Variants in CDK19 observed in about 807,000 individuals in gnomAD.
The protein encoded by CDK19 is cyclin-dependent kinase 19.
A neutral mutation model predicts 68.3 loss-of-function variants in CDK19; 20 were observed. That is an observed-to-expected ratio of 0.29 (90% CI 0.21 to 0.43). CDK19 has a LOEUF of 0.43. Ranked by LOEUF, CDK19 falls within the 20% of genes least tolerant of loss-of-function variation. The pLI, the probability that CDK19 is intolerant of heterozygous loss-of-function variation, is 1.00. For missense variants in CDK19, 339 were observed against 623.5 expected, an observed-to-expected ratio of 0.54 and a Z score of 4.86; for synonymous variants, 221 against 222.8, an observed-to-expected ratio of 0.99 and a Z score of 0.07.
chr6:110,731,521 G>A (rs9487500), intron 2 of CDK19, among the ~76,000 whole-genome samples: 2,124 of 152,268 alleles, frequency 0.014, 53 homozygotes, highest in African/African-American at 0.049. Flanking sequence ...ATGAGACAGT[G>A]GTGATGGTTG....
chr6:110,642,164 G>T (rs1438492688), intron 4 of CDK19, among the ~76,000 whole-genome samples: 1 of 152,144 alleles, frequency 6.6e-6, no homozygotes, highest in Non-Finnish European at 1.5e-5. Flanking sequence ...AGCTGGGCGT[G>T]GTGGTGTGCA....
chr6:110,637,455 A>G (rs1342586792), intron 5 of CDK19, among the ~76,000 whole-genome samples: 1 of 152,236 alleles, frequency 6.6e-6, no homozygotes, highest in Non-Finnish European at 1.5e-5. Context: ...AAGTTGGTTT[A>G]GAACAGCTTA....
intron 2 of CDK19, among the ~76,000 whole-genome samples, chr6:110,702,015 C>A (rs755704477): frequency 3.3e-5 from 5 of 152,112 alleles, no homozygotes; most frequent in Non-Finnish European, 5.9e-5. Flanking sequence ...GTGGCACACA[C>A]CTGTAGTCCC....
intron 4 of CDK19, among the ~76,000 whole-genome samples, chr6:110,657,193 C>T (rs1327705292): frequency 2.0e-5 from 3 of 152,292 alleles, no homozygotes; most frequent in African/African-American, 7.2e-5. Context: ...GATGAAAACC[C>T]AGTTCTCTCA....
chr6:110,722,907 T>C (rs1776013395), intron 2 of CDK19, among the ~76,000 whole-genome samples: 1 of 151,986 alleles, frequency 6.6e-6, no homozygotes, highest in Non-Finnish European at 1.5e-5. Context: ...CTAATGTTAT[T>C]ATAAAATACA....
At chr6:110,673,537 TAAAAA>T (rs536470299) in intron 2 of CDK19, among the ~76,000 whole-genome samples, 1 of 141,628 alleles carries the variant, frequency 7.1e-6, no homozygotes. Context: ...GTCATTTTTG[TAAAAA>T]AAAAAAAACT....
At chr6:110,744,848 T>C (rs1777962693) in intron 2 of CDK19, among the ~76,000 whole-genome samples, 1 of 152,118 alleles carries the variant, frequency 6.6e-6, no homozygotes, top group Non-Finnish European at 1.5e-5. Context: ...GGTCTAGAGA[T>C]TTCCCACCCC....
chr6:110,728,973 T>G (rs1370605268), intron 2 of CDK19, among the ~76,000 whole-genome samples: 1 of 152,192 alleles, frequency 6.6e-6, no homozygotes, highest in Non-Finnish European at 1.5e-5. Context: ...AACAATCTCT[T>G]CTGAAAGACA....
chr6:110,731,650 T>C (rs1441305714), intron 2 of CDK19, among the ~76,000 whole-genome samples: 1 of 152,234 alleles, frequency 6.6e-6, no homozygotes, highest in Non-Finnish European at 1.5e-5. Context: ...CTGGGTCTTT[T>C]CCAGTCTCTC....
chr6:110,618,363 C>A (rs1398497743), intron 12 of CDK19, among the ~76,000 whole-genome samples: 1 of 152,050 alleles, frequency 6.6e-6, no homozygotes, highest in African/African-American at 2.4e-5. Context: ...GAACTCCTGA[C>A]CTCAGGTGAT....
chr6:110,662,218 C>T (rs548870732), intron 4 of CDK19, among the ~76,000 whole-genome samples: 19 of 152,282 alleles, frequency 1.2e-4, no homozygotes, highest in African/African-American at 4.6e-4. Flanking sequence ...GATCCACCCG[C>T]CTTGGCCTCC....
intron 2 of CDK19, among the ~76,000 whole-genome samples, chr6:110,676,407 G>C (rs1167805273): frequency 1.3e-5 from 2 of 152,220 alleles, no homozygotes; most frequent in Admixed American, 1.3e-4. Context: ...AGTTGGTAAA[G>C]TAGTGGCAGG....
At chr6:110,705,333 C>T (rs1275632696) in intron 2 of CDK19, among the ~76,000 whole-genome samples, 2 of 152,162 alleles carry the variant, frequency 1.3e-5, no homozygotes, top group Non-Finnish European at 2.9e-5. Context: ...AGCCACTGCG[C>T]CTGGCCAGAA....
chr6:110,731,132 AAAG>A (rs1301140330), intron 2 of CDK19, among the ~76,000 whole-genome samples: 2 of 146,070 alleles, frequency 1.4e-5, no homozygotes, highest in African/African-American at 5.6e-5. Flanking sequence ...AAAGAAAAGA[AAAG>A]AAAAAAGAAA....
At chr6:110,652,718 G>A (rs1324464114) in intron 4 of CDK19, among the ~76,000 whole-genome samples, 2 of 152,140 alleles carry the variant, frequency 1.3e-5, no homozygotes, top group South Asian at 2.1e-4. Flanking sequence ...ACACTATGTC[G>A]AAACAGAGAA....
chr6:110,786,015 A>C (rs150841055), intron 1 of CDK19, among the ~76,000 whole-genome samples: 98 of 152,074 alleles, frequency 6.4e-4, no homozygotes, highest in Non-Finnish European at 1.4e-3. Flanking sequence ...AAAAAGAAAT[A>C]CATCATAATT....
intron 2 of CDK19, among the ~76,000 whole-genome samples, chr6:110,729,091 A>T (rs529803685): frequency 1.4e-4 from 22 of 152,326 alleles, no homozygotes; most frequent in African/African-American, 5.3e-4. Context: ...TGCTTTCCAC[A>T]GATAAATAAT....
At chr6:110,795,327 G>A (rs888179806) in intron 1 of CDK19, among the ~76,000 whole-genome samples, 1 of 152,184 alleles carries the variant, frequency 6.6e-6, no homozygotes, top group Non-Finnish European at 1.5e-5. Context: ...AATGGGTAAA[G>A]ACTAGTGAGG....
At chr6:110,615,357 G>A (rs1038897933) in intron 12 of CDK19, among the ~76,000 whole-genome samples, 29 of 151,836 alleles carry the variant, frequency 1.9e-4, no homozygotes, top group Admixed American at 1.5e-3. Context: ...AGTACCTAAC[G>A]CAAATACAAA....
Sources: allele counts gnomAD v4.1 joint callset (sites outside exome capture counted in the v4.1 genomes callset), GRCh38; gene constraint gnomAD v4.1.1; transcripts MANE v1.5; gene names NCBI Gene and HGNC (gene_info 2026-07-23, HGNC 2026-07-21).